The following SPIDR variants were observed in gnomAD, a reference collection of about 807,000 sequenced individuals.
SPIDR encodes the protein scaffold protein involved in DNA repair, also known as DNA repair-scaffolding protein.
Under a neutral mutation model 104.6 loss-of-function variants are expected in SPIDR, and 93 were observed. That is an observed-to-expected ratio of 0.89 (90% CI 0.75 to 1.06). SPIDR has a LOEUF of 1.06. SPIDR is among the 50% of genes least tolerant of loss of function. The pLI is 0.00. For missense variants in SPIDR, 1,154 were observed against 1,111.2 expected, an observed-to-expected ratio of 1.04 and a Z score of -0.55; for synonymous variants, 431 against 416.9, an observed-to-expected ratio of 1.03 and a Z score of -0.41.
chr8:47,296,404 T>C (rs2040848339), intron 5 of SPIDR, among the ~76,000 whole-genome samples: 1 of 152,216 alleles, frequency 6.6e-6, no homozygotes, highest in African/African-American at 2.4e-5. Flanking sequence ...TCAGGTTTTA[T>C]GTTTAAGTCA....
intron 10 of SPIDR, among the ~76,000 whole-genome samples, chr8:47,615,652 A>G (rs1312621877): frequency 1.3e-5 from 2 of 151,848 alleles, no homozygotes; most frequent in Admixed American, 6.6e-5. Context: ...ACTAAACCCC[A>G]GGCACTCCAC....
intron 5 of SPIDR, among the ~76,000 whole-genome samples, chr8:47,370,854 C>G (rs1375678314): frequency 6.6e-6 from 1 of 151,982 alleles, no homozygotes; most frequent in Non-Finnish European, 1.5e-5. Flanking sequence ...ATAACCTCAC[C>G]TTTTTCAACC....
intron 8 of SPIDR, among the ~76,000 whole-genome samples, chr8:47,491,618 G>A (rs973186991): frequency 2.0e-5 from 3 of 152,048 alleles, no homozygotes; most frequent in African/African-American, 4.8e-5. Flanking sequence ...TACAGTAAAC[G>A]TGCTGAGGGC....
chr8:47,266,224 C>T (rs1586038474), intron 1 of SPIDR, among the ~76,000 whole-genome samples: 1 of 151,708 alleles, frequency 6.6e-6, no homozygotes, highest in Non-Finnish European at 1.5e-5. Context: ...TCCGCCTCCC[C>T]AGTTCAAACA....
chr8:47,597,323 G>A (rs1019518219), intron 9 of SPIDR, among the ~76,000 whole-genome samples: 3 of 151,814 alleles, frequency 2.0e-5, no homozygotes, highest in African/African-American at 7.3e-5. Context: ...CCATTAACTC[G>A]TCATTTAGCA....
intron 5 of SPIDR, among the ~76,000 whole-genome samples, chr8:47,389,710 A>AG (rs2060355477): frequency 6.6e-6 from 1 of 151,416 alleles, no homozygotes; most frequent in East Asian, 1.9e-4. Context: ...AAAAAAAAAA[A>AG]AGTTTCCATG....
At chr8:47,385,643 G>A (rs775426366) in intron 5 of SPIDR, among the ~76,000 whole-genome samples, 12 of 152,190 alleles carry the variant, frequency 7.9e-5, no homozygotes, top group Non-Finnish European at 1.6e-4. Flanking sequence ...TGATCATCTT[G>A]TATTGGTAGT....
At chr8:47,320,322 C>G (rs1251855834) in intron 5 of SPIDR, among the ~76,000 whole-genome samples, 1 of 152,200 alleles carries the variant, frequency 6.6e-6, no homozygotes, top group Non-Finnish European at 1.5e-5. Context: ...ATAAACACCT[C>G]TACGCAAATA....
intron 8 of SPIDR, among the ~76,000 whole-genome samples, chr8:47,530,935 G>A (rs563867163): frequency 1.3e-5 from 2 of 149,436 alleles, no homozygotes; most frequent in Non-Finnish European, 3.0e-5. Context: ...TTTTTTAAAG[G>A]CAAGGTTGTG....
chr8:47,673,858 C>T lies in SPIDR; in HGVS notation c.1602C>T (p.Phe534=), dbSNP rs2076092913. Residue 534 remains phenylalanine, a synonymous_variant, in exon 11 of 20, where the codon TTC becomes TTT. Coordinates refer to ENST00000297423, the MANE Select transcript of SPIDR (RefSeq NM_001080394.4). ...CGMFGEVHLE[F]TMSKARQLEG... ...TGTTCGGTGAAGTGCACTTGGAGTT[C>T]ACCATGTCGAAGGCAAGACAGTTGG... is the stretch of plus-strand genomic sequence containing the variant. 6.2e-7 allele frequency: 1 copy of T among 1,614,134 alleles called. No individual in the cohort carries two copies. Among genetic ancestry groups the T allele is most frequent in the Non-Finnish European group, 8.5e-7 (1 of 1,180,032 alleles).
intron 5 of SPIDR, among the ~76,000 whole-genome samples, chr8:47,342,655 A>T (rs1449260800): frequency 6.6e-6 from 1 of 151,944 alleles, no homozygotes; most frequent in South Asian, 2.1e-4. Context: ...CTTATTTTTT[A>T]TATTTATAAA....
At chr8:47,564,746 C>T (rs921044093) in intron 8 of SPIDR, among the ~76,000 whole-genome samples, 13 of 151,392 alleles carry the variant, frequency 8.6e-5, no homozygotes, top group African/African-American at 1.9e-4. Flanking sequence ...TATTACACTG[C>T]GCTTTTCTTT....
At chr8:47,281,354 A>G (rs1421257449) in intron 2 of SPIDR, among the ~76,000 whole-genome samples, 1 of 152,198 alleles carries the variant, frequency 6.6e-6, no homozygotes, top group African/African-American at 2.4e-5. Flanking sequence ...TCTATTTACT[A>G]TTCCTTTCAT....
intron 8 of SPIDR, among the ~76,000 whole-genome samples, chr8:47,499,933 G>A (rs555605475): frequency 2.3e-3 from 343 of 152,150 alleles, no homozygotes; most frequent in Middle Eastern, 0.014. Flanking sequence ...GAGATTGATG[G>A]TTTCCAGCTT....
intron 5 of SPIDR, among the ~76,000 whole-genome samples, chr8:47,373,701 C>G (rs1228646766): frequency 3.3e-5 from 5 of 151,984 alleles, no homozygotes; most frequent in African/African-American, 1.2e-4. Flanking sequence ...GTGGTAGGCC[C>G]AAACTGCTAT....
intron 8 of SPIDR, among the ~76,000 whole-genome samples, chr8:47,537,364 C>T (rs2087095108): frequency 6.6e-6 from 1 of 152,022 alleles, no homozygotes; most frequent in Admixed American, 6.6e-5. Context: ...TTCATCCACA[C>T]AATAGAATAT....
In SPIDR at chr8:47,673,642, C is replaced by T; in HGVS notation, c.1545-159C>T. 6 of 892,666 alleles carry T rather than the reference C, an allele frequency of 6.7e-6. 1 individual carries two copies. Among genetic ancestry groups the T allele is most frequent in the South Asian group, 6.6e-5 (4 of 60,482 alleles). 55.3% of individuals were successfully genotyped at this position (892,666 alleles called of 1,614,324 possible). On this transcript the variant is annotated intron_variant, in intron 10 of 19. Coordinates refer to ENST00000297423, the MANE Select transcript of SPIDR (RefSeq NM_001080394.4). Reference sequence around the variant, plus strand: ...TTAGGAAGATGACTACAGTGGATTTCTTTTTTTTTTCCCCCCTTGGTTTTT... The same window carrying T: ...TTAGGAAGATGACTACAGTGGATTTTTTTTTTTTTTCCCCCCTTGGTTTTT...
At chr8:47,575,520 G>GC (rs1362785949) in intron 8 of SPIDR, among the ~76,000 whole-genome samples, 1 of 151,136 alleles carries the variant, frequency 6.6e-6, no homozygotes, top group Non-Finnish European at 1.5e-5. Context: ...GGTAGTGGGC[G>GC]CCTGTAGTCC....
intron 7 of SPIDR, among the ~76,000 whole-genome samples, chr8:47,434,495 C>T (rs531354281): frequency 7.9e-5 from 12 of 152,046 alleles, no homozygotes; most frequent in South Asian, 2.1e-4. Flanking sequence ...AGAGACAGAG[C>T]GATAATGTAG....
Sources: allele counts gnomAD v4.1 joint callset (sites outside exome capture counted in the v4.1 genomes callset), GRCh38; gene constraint gnomAD v4.1.1; transcripts MANE v1.5; gene names NCBI Gene and HGNC (gene_info 2026-07-23, HGNC 2026-07-21).